Variants in FARP2 observed in about 807,000 individuals in gnomAD.
FARP2 encodes the protein FERM, ARHGEF and pleckstrin domain-containing protein 2.
A neutral mutation model predicts 130.5 loss-of-function variants in FARP2; 111 were observed. The ratio of observed to expected loss-of-function variants is 0.85; its 90% CI spans 0.73 to 1.00. The LOEUF (loss-of-function observed/expected upper bound fraction) is 1.00. FARP2 is among the 50% of genes least tolerant of loss of function. FARP2 has a pLI of 0.00. For missense variants in FARP2, 1,385 were observed against 1,346.3 expected (o/e 1.03, Z -0.45); for synonymous variants, 504 against 516.9 (o/e 0.98, Z 0.34).
intron 9 of FARP2, among the ~76,000 whole-genome samples, chr2:241,433,093 T>A (rs1192938912): frequency 6.6e-6 from 1 of 150,952 alleles, no homozygotes; most frequent in Non-Finnish European, 1.5e-5. Flanking sequence ...CAAACACACA[T>A]ACGAAACACA....
chr2:241,391,177 C>T (rs757806728), intron 2 of FARP2, among the ~76,000 whole-genome samples: 2 of 152,198 alleles, frequency 1.3e-5, no homozygotes, highest in African/African-American at 2.4e-5. Context: ...GATCTTACTG[C>T]TGAACTAAGC....
chr2:241,422,182 G>A (rs11675654), intron 8 of FARP2, among the ~76,000 whole-genome samples: 2,867 of 143,510 alleles, frequency 0.02, 55 homozygotes, highest in Middle Eastern at 0.049. Context: ...GTGGGAGGCT[G>A]AAACAAGCAG....
At chr2:241,421,279 A>T (rs960772051) in intron 8 of FARP2, among the ~76,000 whole-genome samples, 1 of 152,236 alleles carries the variant, frequency 6.6e-6, no homozygotes, top group African/African-American at 2.4e-5. Context: ...ACAGAGACCT[A>T]GGAGTTTCAC....
At chr2:241,405,280 T>C (rs139354822) in intron 4 of FARP2, 3,207 of 154,740 alleles carry the variant, frequency 0.021, 56 homozygotes, top group Non-Finnish European at 0.032. Flanking sequence ...TTGCCCAGGC[T>C]GGAGTGTAGT....
intron 2 of FARP2, among the ~76,000 whole-genome samples, chr2:241,374,929 G>A (rs2061500463): frequency 6.6e-6 from 1 of 152,068 alleles, no homozygotes. Flanking sequence ...TTAAAGTCTG[G>A]ACACTTAATT....
intron 13 of FARP2, chr2:241,442,895 G>T: frequency 4.3e-6 from 1 of 234,716 alleles, no homozygotes. Context: ...AATAGAATAT[G>T]TGTATTACAC....
intron 4 of FARP2, among the ~76,000 whole-genome samples, chr2:241,406,693 G>T (rs1000990461): frequency 9.2e-5 from 14 of 152,060 alleles, no homozygotes; most frequent in African/African-American, 3.4e-4. Flanking sequence ...GAAACTCCTG[G>T]GTTCAAGTGA....
At chr2:241,476,062 A>G (rs1035222690) in intron 19 of FARP2, 75 bp downstream of exon 19, 2 of 1,399,178 alleles carry the variant, frequency 1.4e-6, no homozygotes, top group Non-Finnish European at 2.0e-6. Context: ...ACATACCACA[A>G]AAGTCACCAT....
Position 241,483,541 on chromosome 2 carries a change from C to T in FARP2, c.2331+8C>T. ...CAGAGGATGTTTTTTCTGGTAGGTT[C>T]TCTCCCCACTCAAGCTGTGCTTCCC... On this transcript the variant is annotated splice_region_variant and intron_variant, in intron 20 of 26. Transcript: ENST00000264042. 1 of 1,613,178 alleles carries T rather than the reference C, an allele frequency of 6.2e-7. No homozygotes were observed. Among genetic ancestry groups the T allele is most frequent in the South Asian group, 1.1e-5 (1 of 91,068 alleles).
chr2:241,491,712 T>C (rs760882128), intron 24 of FARP2, 33 bp downstream of exon 24: 1 of 1,558,192 alleles, frequency 6.4e-7, no homozygotes, highest in African/African-American at 1.3e-5. Flanking sequence ...TCAGTGCATC[T>C]GGAATGTTCC....
chr2:241,392,909 C>T (rs1264266429), intron 2 of FARP2, among the ~76,000 whole-genome samples: 4 of 150,842 alleles, frequency 2.7e-5, no homozygotes, highest in Non-Finnish European at 4.4e-5. Flanking sequence ...CACCACTACA[C>T]TCCAGCCTGG....
At chr2:241,450,147 G>A (rs1489169075) in intron 13 of FARP2, among the ~76,000 whole-genome samples, 5 of 152,106 alleles carry the variant, frequency 3.3e-5, no homozygotes, top group Non-Finnish European at 2.9e-5. Context: ...AGCCCAGGGA[G>A]GGAGTGAGAA....
At position 241,474,801 on chromosome 2, in the gene FARP2, T is replaced by TAAATAAATA. The variant is rs374193358; in HGVS notation, c.2132-1054_2132-1053insATAAATAAA. ...AGTGAGACCCTGTCTCTAATAATAA[T>TAAATAAATA]AATAAATAAATAAATAAATAAATAA... is the stretch of plus-strand genomic sequence containing the variant. On this transcript the variant is annotated intron_variant, in intron 18 of 26. Transcript: ENST00000264042. Among the ~76,000 whole-genome samples the TAAATAAATA allele has an allele frequency of 8.6e-4, 120 of 140,320 alleles. 1 individual carries two copies. The highest frequency in any genetic ancestry group is 6.1e-3 in the Admixed American group (84 of 13,756). 92.1% of individuals were successfully genotyped at this position (140,320 alleles called of 152,430 possible). A position where few individuals can be genotyped will look rare whatever the true frequency, so the allele number is the denominator to read the frequency against.
At chr2:241,387,747 C>T (rs1166478350) in intron 2 of FARP2, among the ~76,000 whole-genome samples, 4 of 146,724 alleles carry the variant, frequency 2.7e-5, no homozygotes, top group African/African-American at 1.0e-4. Context: ...GAGCCGAGCT[C>T]GCACCACTGC....
chr2:241,359,790 G>A (rs2061144885), intron 1 of FARP2, among the ~76,000 whole-genome samples: 1 of 152,204 alleles, frequency 6.6e-6, no homozygotes, highest in Non-Finnish European at 1.5e-5. Context: ...GGCCGCTTGT[G>A]GAGCTGAGTG....
At chr2:241,440,653 A>G (rs1042879688) in intron 12 of FARP2, among the ~76,000 whole-genome samples, 1 of 152,146 alleles carries the variant, frequency 6.6e-6, no homozygotes, top group Non-Finnish European at 1.5e-5. Flanking sequence ...CCTCGCGACG[A>G]TACATCTCTG....
intron 2 of FARP2, among the ~76,000 whole-genome samples, chr2:241,383,236 C>T (rs562332192): frequency 4.0e-4 from 61 of 152,316 alleles, no homozygotes; most frequent in Non-Finnish European, 5.9e-4. Flanking sequence ...GCTTGTTCGG[C>T]AGTGGGGAGC....
rs11292791 is a variant in FARP2 at position 241,408,541 on chromosome 2, CAAA to C, written c.410+939_410+941del. Among the ~76,000 whole-genome samples the C allele has an allele frequency of 8.5e-4, 117 of 137,564 alleles. 2 individuals carry two copies. In the South Asian group the frequency reaches 0.016, roughly 19 times the overall value. The allele number at this position is 137,564 out of a possible 152,430, so 90.2% of individuals were successfully genotyped here. On this transcript the variant is annotated intron_variant, in intron 5 of 26. Transcript: ENST00000264042. ...GGGCAACAAGAGCGAAACTCTGTCT[CAAA>C]AAAAAAAAAAAAGAAAATATTAACA...
chr2:241,389,093 C>T (rs539852955), intron 2 of FARP2, among the ~76,000 whole-genome samples: 5 of 152,036 alleles, frequency 3.3e-5, no homozygotes, highest in Non-Finnish European at 7.4e-5. Context: ...CCAGCCTGGC[C>T]AACATGGTAA....
Sources: allele counts gnomAD v4.1 joint callset (sites outside exome capture counted in the v4.1 genomes callset), GRCh38; gene constraint gnomAD v4.1.1; transcripts MANE v1.5; gene names NCBI Gene and HGNC (gene_info 2026-07-23, HGNC 2026-07-21).